Variants in NPAS3 observed in about 807,000 individuals in gnomAD.
NPAS3 encodes neuronal PAS domain protein 3.
NPAS3 carries 14 observed loss-of-function variants against 73.1 expected under a neutral mutation model. The observed-to-expected ratio is 0.19, with a 90% confidence interval of 0.13 to 0.30. The LOEUF is 0.30. Among genes scored for constraint, NPAS3 ranks in the 10% least tolerant of loss-of-function variants. NPAS3 has a pLI of 1.00. For synonymous variants in NPAS3, 620 were observed against 541.5 expected (o/e 1.14, Z -2.01); for missense variants, 1,096 against 1,250.0 (o/e 0.88, Z 1.86).
intron 3 of NPAS3, among the ~76,000 whole-genome samples, chr14:33,329,830 G>A (rs895769252): frequency 6.6e-6 from 1 of 152,090 alleles, no homozygotes; most frequent in African/African-American, 2.4e-5. Flanking sequence ...GTGTGTGAGA[G>A]AGAGAGAGAG....
At chr14:33,421,523 A>T (rs922109995) in intron 4 of NPAS3, among the ~76,000 whole-genome samples, 13 of 150,566 alleles carry the variant, frequency 8.6e-5, no homozygotes, top group African/African-American at 2.9e-4. Flanking sequence ...AGTTCTAATC[A>T]TAGAAGCATT....
chr14:33,801,369 T>C (rs1282739871), downstream of NPAS3: 2 of 558,262 alleles, frequency 3.6e-6, no homozygotes, highest in Non-Finnish European at 6.1e-6. Flanking sequence ...TGGGTTGTTT[T>C]GCTTTCCTTT....
intron 6 of NPAS3, among the ~76,000 whole-genome samples, chr14:33,723,593 G>A (rs1303719982): frequency 6.6e-6 from 1 of 151,870 alleles, no homozygotes; most frequent in Non-Finnish European, 1.5e-5. Flanking sequence ...CAGTGCAACT[G>A]TCCAGTTCGG....
chr14:33,606,385 C>T (rs1242502991), intron 5 of NPAS3, among the ~76,000 whole-genome samples: 1 of 151,784 alleles, frequency 6.6e-6, no homozygotes, highest in Admixed American at 6.6e-5. Flanking sequence ...CATCCATGTC[C>T]CTACAAAGGA....
intron 1 of NPAS3, among the ~76,000 whole-genome samples, chr14:33,010,962 A>G (rs2039173613): frequency 6.6e-6 from 1 of 151,206 alleles, no homozygotes; most frequent in South Asian, 2.1e-4. Context: ...AAAAGAAAAG[A>G]AAAACATTGA....
chr14:33,512,820 T>G (rs2053122157), intron 4 of NPAS3, among the ~76,000 whole-genome samples: 1 of 152,056 alleles, frequency 6.6e-6, no homozygotes, highest in Non-Finnish European at 1.5e-5. Context: ...AACATCTGAT[T>G]TAGACTTCTT....
chr14:33,191,789 G>A (rs2046179338), intron 2 of NPAS3, among the ~76,000 whole-genome samples: 1 of 152,162 alleles, frequency 6.6e-6, no homozygotes, highest in Non-Finnish European at 1.5e-5. Context: ...ATACTTATGA[G>A]AGTGGCAGAT....
chr14:33,635,996 G>A (rs1226563476), intron 5 of NPAS3, among the ~76,000 whole-genome samples: 1 of 152,156 alleles, frequency 6.6e-6, no homozygotes, highest in Non-Finnish European at 1.5e-5. Context: ...CCAGGCTGGA[G>A]TGCAATGGCA....
intron 7 of NPAS3, among the ~76,000 whole-genome samples, chr14:33,743,255 C>G (rs2061698737): frequency 6.6e-6 from 1 of 152,154 alleles, no homozygotes; most frequent in Non-Finnish European, 1.5e-5. Flanking sequence ...ACTTGAAAGT[C>G]AAAATTACTC....
intron 9 of NPAS3, among the ~76,000 whole-genome samples, chr14:33,779,979 C>A (rs1358045797): frequency 6.6e-6 from 1 of 152,200 alleles, no homozygotes; most frequent in Non-Finnish European, 1.5e-5. Flanking sequence ...TCTTTCCTGC[C>A]CTTTGCAATT....
chr14:33,772,528 A>G (rs1048859680), intron 7 of NPAS3, among the ~76,000 whole-genome samples: 1 of 152,194 alleles, frequency 6.6e-6, no homozygotes, highest in African/African-American at 2.4e-5. Context: ...GGATTTATTT[A>G]GCATATCATT....
At chr14:33,277,955 G>A (rs1033779898) in intron 3 of NPAS3, among the ~76,000 whole-genome samples, 5 of 152,088 alleles carry the variant, frequency 3.3e-5, no homozygotes, top group South Asian at 4.1e-4. Context: ...TCAGAGGACC[G>A]TTGCAGAGGT....
intron 2 of NPAS3, among the ~76,000 whole-genome samples, chr14:33,176,877 A>G (rs1241049190): frequency 6.6e-6 from 1 of 151,934 alleles, no homozygotes; most frequent in Non-Finnish European, 1.5e-5. Context: ...CCTTGCCAAG[A>G]CTTGTTATTT....
chr14:33,750,797 TAGGC>T (rs758496113), intron 7 of NPAS3, among the ~76,000 whole-genome samples: 6 of 152,142 alleles, frequency 3.9e-5, no homozygotes, highest in Non-Finnish European at 8.8e-5. Flanking sequence ...AGTCTAGAGT[TAGGC>T]AGGCACACAA....
At chr14:33,011,144 A>G (rs1275349982) in intron 1 of NPAS3, among the ~76,000 whole-genome samples, 1 of 152,244 alleles carries the variant, frequency 6.6e-6, no homozygotes, top group Non-Finnish European at 1.5e-5. Context: ...GTTCAAAAAC[A>G]ATAACTGATG....
Position 33,790,972 on chromosome 14 carries a change from C to G in NPAS3, c.1154-2925C>G, listed in dbSNP as rs72642568. On this transcript the variant is annotated intron_variant, in intron 9 of 11. Coordinates refer to ENST00000356141, the Ensembl canonical transcript of NPAS3. ...TACAAGATCTGTTGCAAACCAAAAG[C>G]AACTTGGGTGATTTTTTGGTAAACA... 1.2e-3 allele frequency among the ~76,000 whole-genome samples: 186 copies of G among 152,346 alleles called. 2 individuals are homozygous for G. In the East Asian group the frequency reaches 0.033, roughly 27 times the overall value.
chr14:33,631,389 A>C (rs1431117427), intron 5 of NPAS3, among the ~76,000 whole-genome samples: 2 of 152,216 alleles, frequency 1.3e-5, no homozygotes, highest in African/African-American at 4.8e-5. Context: ...TGAATTTACT[A>C]ATGTTTGCTA....
intron 1 of NPAS3, among the ~76,000 whole-genome samples, chr14:32,996,285 A>C (rs2038567459): frequency 6.6e-6 from 1 of 152,176 alleles, no homozygotes; most frequent in Non-Finnish European, 1.5e-5. Flanking sequence ...ATAAGGAAAA[A>C]AGAGTATAAA....
intron 4 of NPAS3, among the ~76,000 whole-genome samples, chr14:33,388,367 A>G (rs570204499): frequency 2.2e-4 from 34 of 152,260 alleles, no homozygotes; most frequent in African/African-American, 7.5e-4. Context: ...GGAGGTGAGT[A>G]TAGAGAGAAT....
Sources: allele counts gnomAD v4.1 joint callset (sites outside exome capture counted in the v4.1 genomes callset), GRCh38; gene constraint gnomAD v4.1.1; transcripts MANE v1.5; gene names NCBI Gene and HGNC (gene_info 2026-07-23, HGNC 2026-07-21).